GRIK4: variants seen among roughly 807,000 people sequenced by gnomAD.
GRIK4 encodes glutamate receptor ionotropic, kainate 4.
A neutral mutation model predicts 104.9 loss-of-function variants in GRIK4; 40 were observed. That is an observed-to-expected ratio of 0.38 (90% CI 0.30 to 0.50). The LOEUF is 0.50. Among genes scored for constraint, GRIK4 ranks in the 20% least tolerant of loss-of-function variants. The pLI, the probability that GRIK4 is intolerant of heterozygous loss-of-function variation, is 0.93. For synonymous variants in GRIK4, 485 were observed against 524.9 expected (o/e 0.92, Z 1.04); for missense variants, 1,047 against 1,308.1 (o/e 0.80, Z 3.08).
chr11:120,949,785 C>T (rs1395857349), intron 14 of GRIK4, among the ~76,000 whole-genome samples: 7 of 152,168 alleles, frequency 4.6e-5, no homozygotes, highest in African/African-American at 1.7e-4. Flanking sequence ...TGAATGAGCA[C>T]CAGAGAAATT....
At chr11:120,756,981 G>A (rs529129846) in intron 3 of GRIK4, among the ~76,000 whole-genome samples, 9 of 152,338 alleles carry the variant, frequency 5.9e-5, no homozygotes, top group African/African-American at 2.2e-4. Flanking sequence ...TCTTGAAGGA[G>A]GTGAAGGATT....
At chr11:120,618,140 A>G (rs1949139434) in intron 1 of GRIK4, among the ~76,000 whole-genome samples, 1 of 152,152 alleles carries the variant, frequency 6.6e-6, no homozygotes, top group Admixed American at 6.5e-5. Context: ...GAGATGAGAA[A>G]CTTATTGGAA....
intron 20 of GRIK4, among the ~76,000 whole-genome samples, chr11:120,984,826 T>C (rs1565476996): frequency 6.7e-6 from 1 of 148,996 alleles, no homozygotes. Flanking sequence ...TATTCTTTTT[T>C]TTTTTTTTTT....
At chr11:120,829,901 G>T (rs2135560256) in intron 6 of GRIK4, among the ~76,000 whole-genome samples, 1 of 152,294 alleles carries the variant, frequency 6.6e-6, no homozygotes, top group East Asian at 1.9e-4. Context: ...CCTGTGAGGG[G>T]CACAGATGGC....
intron 1 of GRIK4, among the ~76,000 whole-genome samples, chr11:120,563,174 C>T (rs1347940455): frequency 1.3e-5 from 2 of 152,162 alleles, no homozygotes; most frequent in African/African-American, 2.4e-5. Context: ...TAGACATACT[C>T]GCAGTGTCTA....
chr11:120,568,487 A>G (rs1016839447), intron 1 of GRIK4, among the ~76,000 whole-genome samples: 3 of 151,932 alleles, frequency 2.0e-5, no homozygotes, highest in Admixed American at 6.6e-5. Flanking sequence ...TCCCAGGTCC[A>G]AGTGATTCCC....
chr11:120,747,216 TAAAC>T (rs369674425), intron 3 of GRIK4, among the ~76,000 whole-genome samples: 24 of 152,322 alleles, frequency 1.6e-4, no homozygotes, highest in African/African-American at 5.5e-4. Context: ...ATCAGTTAAA[TAAAC>T]AAACAATTAG....
At chr11:120,920,654 C>T (rs931628327) in intron 13 of GRIK4, among the ~76,000 whole-genome samples, 7 of 151,558 alleles carry the variant, frequency 4.6e-5, no homozygotes, top group African/African-American at 1.7e-4. Flanking sequence ...TGTCTGAGCC[C>T]CCTCTTATTA....
chr11:120,898,402 C>T, intron 11 of GRIK4, 130 bp from the exon 12 acceptor site: 3 of 624,524 alleles, frequency 4.8e-6, no homozygotes, highest in Middle Eastern at 2.8e-4. Context: ...TGCAGTTCAG[C>T]CCCCGGCTCC....
intron 3 of GRIK4, among the ~76,000 whole-genome samples, chr11:120,666,396 C>T (rs536969683): frequency 3.1e-4 from 47 of 152,284 alleles, no homozygotes; most frequent in African/African-American, 1.1e-3. Flanking sequence ...AGTGTGTTCT[C>T]GATGAGTGAG....
chr11:120,578,036 AGG>A (rs1948507999), intron 1 of GRIK4, among the ~76,000 whole-genome samples: 1 of 152,056 alleles, frequency 6.6e-6, no homozygotes, highest in Admixed American at 6.6e-5. Flanking sequence ...GAGTTGGTAA[AGG>A]GGTAGTGGCA....
chr11:120,650,197 C>T (rs1949599465), intron 1 of GRIK4, among the ~76,000 whole-genome samples: 1 of 152,174 alleles, frequency 6.6e-6, no homozygotes, highest in Non-Finnish European at 1.5e-5. Context: ...CTTGCCTTTT[C>T]TGTGAAGGAT....
intron 20 of GRIK4, 66 bp from the exon 21 acceptor site, chr11:120,985,838 C>A (rs916499071): frequency 3.5e-6 from 5 of 1,439,594 alleles, no homozygotes; most frequent in Middle Eastern, 1.9e-4. Context: ...CTCATCCCAG[C>A]GGACTCGCAG....
At chr11:120,863,365 A>G (rs1190998056) in intron 9 of GRIK4, among the ~76,000 whole-genome samples, 1 of 152,242 alleles carries the variant, frequency 6.6e-6, no homozygotes, top group African/African-American at 2.4e-5. Flanking sequence ...TAGGAGCACT[A>G]CACTATACCA....
chr11:120,703,602 T>C (rs1278366134), intron 3 of GRIK4, among the ~76,000 whole-genome samples: 2 of 152,008 alleles, frequency 1.3e-5, no homozygotes, highest in Non-Finnish European at 2.9e-5. Flanking sequence ...ATCTAGTATA[T>C]GTACCACTTA....
At position 120,905,757 on chromosome 11, in the gene GRIK4, G is replaced by T. The variant is rs1003622032; in HGVS notation, c.1476+264G>T. 2.6e-5 allele frequency among the ~76,000 whole-genome samples: 4 copies of T among 152,182 alleles called. No homozygotes were observed. The highest frequency in any genetic ancestry group is 2.6e-4 in the Admixed American group (4 of 15,282). ...ATGGAGGCTCTGATTGATTAACACA[G>T]ATGAGGGAGTTTGGGTTCCATTTTT... On this transcript the variant is annotated intron_variant, in intron 13 of 20. Coordinates refer to ENST00000527524, the MANE Select transcript of GRIK4 (RefSeq NM_014619.5). The surrounding 1 kb of genome is among the most constrained non-coding windows in gnomAD (Gnocchi z 5.1).
At chr11:120,756,348 C>G (rs1050178995) in intron 3 of GRIK4, among the ~76,000 whole-genome samples, 2 of 152,180 alleles carry the variant, frequency 1.3e-5, no homozygotes, top group Non-Finnish European at 2.9e-5. Flanking sequence ...GTGCCCATCT[C>G]TAACTCTTGA....
At chr11:120,651,425 G>A (rs909076365) in intron 1 of GRIK4, among the ~76,000 whole-genome samples, 4 of 152,170 alleles carry the variant, frequency 2.6e-5, no homozygotes, top group African/African-American at 9.7e-5. Context: ...GTTTAGAGGT[G>A]CATTAGGGGT....
chr11:120,778,783 G>A (rs1453250700), intron 3 of GRIK4, among the ~76,000 whole-genome samples: 1 of 152,218 alleles, frequency 6.6e-6, no homozygotes, highest in Non-Finnish European at 1.5e-5. Flanking sequence ...TGGGGCCTCA[G>A]CTCTTTCTGC....
Sources: allele counts gnomAD v4.1 joint callset (sites outside exome capture counted in the v4.1 genomes callset), GRCh38; gene constraint gnomAD v4.1.1; non-coding constraint Gnocchi (gnomAD v3.1); transcripts MANE v1.5; gene names NCBI Gene and HGNC (gene_info 2026-07-23, HGNC 2026-07-21).